RIMS2: variants seen among roughly 807,000 people sequenced by gnomAD.
RIMS2 encodes the protein regulating synaptic membrane exocytosis protein 2.
RIMS2 carries 59 observed loss-of-function variants against 174.4 expected under a neutral mutation model. The observed-to-expected ratio is 0.34, with a 90% CI of 0.27 to 0.42. The LOEUF is 0.42. Ranked by LOEUF, RIMS2 falls within the 10% of genes least tolerant of loss-of-function variation. RIMS2 has a pLI of 1.00. For missense variants in RIMS2, 1,620 were observed against 1,666.3 expected (o/e 0.97, Z 0.48); for synonymous variants, 606 against 572.5 (o/e 1.06, Z -0.84).
intron 19 of RIMS2, among the ~76,000 whole-genome samples, chr8:104,108,373 C>T (rs975655896): frequency 1.3e-5 from 2 of 152,062 alleles, no homozygotes; most frequent in African/African-American, 4.8e-5. Context: ...CTCACTGCAG[C>T]CTCCAAATTC....
intron 2 of RIMS2, among the ~76,000 whole-genome samples, chr8:103,716,628 T>C (rs1357706789): frequency 6.6e-6 from 1 of 152,056 alleles, no homozygotes; most frequent in Non-Finnish European, 1.5e-5. Flanking sequence ...TTGTGATAAA[T>C]TTCTATAATC....
At chr8:103,801,226 A>G (rs1328905869) in intron 3 of RIMS2, among the ~76,000 whole-genome samples, 1 of 152,124 alleles carries the variant, frequency 6.6e-6, no homozygotes, top group East Asian at 1.9e-4. Context: ...AGCTCAGGCA[A>G]TCCTCCCGCC....
At chr8:103,968,900 T>A (rs1447597057) in intron 15 of RIMS2, among the ~76,000 whole-genome samples, 1 of 152,130 alleles carries the variant, frequency 6.6e-6, no homozygotes, top group African/African-American at 2.4e-5. Context: ...ATTGTTCTAC[T>A]GGCAACAAAA....
chr8:104,195,599 C>G (rs933708524), intron 19 of RIMS2, among the ~76,000 whole-genome samples: 28 of 151,682 alleles, frequency 1.8e-4, no homozygotes, highest in African/African-American at 6.8e-4. Flanking sequence ...ACTGCAACCT[C>G]CGCCTCCTGG....
chr8:104,010,396 C>T (rs938212183), intron 17 of RIMS2, among the ~76,000 whole-genome samples: 1 of 152,024 alleles, frequency 6.6e-6, no homozygotes, highest in Admixed American at 6.6e-5. Context: ...AAGACAAAGG[C>T]CTTCTAAGTT....
chr8:104,202,087 A>C (rs915485566), intron 19 of RIMS2, among the ~76,000 whole-genome samples: 2 of 152,180 alleles, frequency 1.3e-5, no homozygotes, highest in East Asian at 3.8e-4. Flanking sequence ...ATCATTATTA[A>C]AATAAAATTT....
At chr8:103,901,650 G>A (rs1265452923) in intron 4 of RIMS2, among the ~76,000 whole-genome samples, 5 of 152,048 alleles carry the variant, frequency 3.3e-5, no homozygotes, top group Non-Finnish European at 7.4e-5. Context: ...TTATTAAGAT[G>A]AATTCTAATA....
At chr8:103,819,203 G>A (rs1203847166) in intron 3 of RIMS2, 2 of 1,198,162 alleles carry the variant, frequency 1.7e-6, no homozygotes, top group Non-Finnish European at 2.1e-6. Flanking sequence ...TAGAGTACAT[G>A]AAAGCAGCTC....
chr8:104,228,009 TTG>T (rs1236815754), intron 19 of RIMS2, among the ~76,000 whole-genome samples: 4 of 151,742 alleles, frequency 2.6e-5, no homozygotes, highest in African/African-American at 9.7e-5. Flanking sequence ...GCCTCACTCT[TTG>T]TGTGTTTCTT....
intron 1 of RIMS2, among the ~76,000 whole-genome samples, chr8:103,546,504 C>T (rs1342879754): frequency 6.6e-6 from 1 of 152,096 alleles, no homozygotes; most frequent in Non-Finnish European, 1.5e-5. Context: ...ATATTTGTGA[C>T]CTGAACTCAA....
intron 1 of RIMS2, among the ~76,000 whole-genome samples, chr8:103,627,753 T>G (rs1405064444): frequency 2.6e-5 from 4 of 152,228 alleles, no homozygotes; most frequent in African/African-American, 9.6e-5. Flanking sequence ...AACTACTGAC[T>G]TAACATGTTA....
chr8:103,725,872 G>A (rs1403020413), intron 2 of RIMS2, among the ~76,000 whole-genome samples: 10 of 152,230 alleles, frequency 6.6e-5, no homozygotes, highest in Admixed American at 5.9e-4. Context: ...ATTTGGTTGG[G>A]TTACTGGTTT....
chr8:103,666,289 C>T (rs1448567466), intron 1 of RIMS2, among the ~76,000 whole-genome samples: 6 of 152,162 alleles, frequency 3.9e-5, no homozygotes, highest in Non-Finnish European at 8.8e-5. Flanking sequence ...TCTGTTTATA[C>T]ATCTAGTTAG....
chr8:104,248,527 G>T (rs960115397), intron 20 of RIMS2, among the ~76,000 whole-genome samples, 174 bp from the exon 27 acceptor site: 6 of 152,170 alleles, frequency 3.9e-5, no homozygotes, highest in African/African-American at 1.4e-4. Flanking sequence ...TTGGGCTGCT[G>T]AGAATATGAA....
intron 3 of RIMS2, among the ~76,000 whole-genome samples, chr8:103,836,977 A>G (rs975636339): frequency 3.9e-5 from 6 of 152,226 alleles, no homozygotes; most frequent in Admixed American, 1.3e-4. Flanking sequence ...GCATGAGCAT[A>G]TGAATCTTTT....
intron 1 of RIMS2, among the ~76,000 whole-genome samples, chr8:103,600,856 A>G (rs1159252782): frequency 2.0e-5 from 3 of 151,918 alleles, no homozygotes; most frequent in East Asian, 3.9e-4. Context: ...CCTCTCCAAC[A>G]TTTGTTATTG....
At chr8:104,134,487 T>C (rs186316528) in intron 19 of RIMS2, among the ~76,000 whole-genome samples, 21 of 152,200 alleles carry the variant, frequency 1.4e-4, no homozygotes, top group Admixed American at 1.3e-3. Context: ...ACAAAATCGA[T>C]TGAAAGCTCT....
At position 103,546,173 on chromosome 8, in the gene RIMS2, AG is replaced by A. The variant is rs1380019018; in HGVS notation, c.176+45115del. Among the ~76,000 whole-genome samples, 7 of 152,340 alleles carry A rather than the reference AG, an allele frequency of 4.6e-5. No homozygotes were observed. In the East Asian group the frequency reaches 1.4e-3, roughly 29 times the overall value. ...CATTGATACCCATAGGCTCAAAGTA[AG>A]GGGATGGAGAAAAATCTACCAAGCA... On this transcript the variant is annotated intron_variant, in intron 1 of 23. Coordinates refer to ENST00000504942, the Ensembl canonical transcript of RIMS2.
intron 1 of RIMS2, among the ~76,000 whole-genome samples, chr8:103,619,541 G>GA (rs1309976859): frequency 6.6e-6 from 1 of 151,916 alleles, no homozygotes; most frequent in Non-Finnish European, 1.5e-5. Context: ...TTAAGCAGCA[G>GA]AAAAAAATCT....
Sources: gnomAD v4.1 joint callset for allele counts (sites outside exome capture counted in the v4.1 genomes callset) on GRCh38, gnomAD v4.1.1 for gene constraint, MANE v1.5 for transcripts, NCBI Gene and HGNC (gene_info 2026-07-23, HGNC 2026-07-21) for gene names.